Variants in GRID2 observed in about 807,000 individuals in gnomAD.
The protein encoded by GRID2 is glutamate ionotropic receptor delta type subunit 2.
GRID2 carries 33 observed loss-of-function variants against 114.8 expected under a neutral mutation model. The observed-to-expected ratio is 0.29, with a 90% confidence interval of 0.22 to 0.38. GRID2 has a LOEUF of 0.38. Ranked by LOEUF, GRID2 falls within the 10% of genes least tolerant of loss-of-function variation. GRID2 has a pLI of 1.00. For synonymous variants in GRID2, 505 were observed against 449.9 expected (o/e 1.12, Z -1.55); for missense variants, 1,184 against 1,257.7 (o/e 0.94, Z 0.89).
chr4:93,041,023 A>C (rs553205129), intron 2 of GRID2, among the ~76,000 whole-genome samples: 4 of 152,156 alleles, frequency 2.6e-5, no homozygotes, highest in Non-Finnish European at 5.9e-5. Context: ...TAGCGATTGT[A>C]AAATTAAGAA....
intron 14 of GRID2, among the ~76,000 whole-genome samples, chr4:93,629,104 C>T (rs930442620): frequency 1.3e-5 from 2 of 152,032 alleles, no homozygotes; most frequent in African/African-American, 2.4e-5. Context: ...AATGCATGAA[C>T]GTAATAGTAA....
chr4:92,779,038 A>G (rs1009305685), intron 2 of GRID2, among the ~76,000 whole-genome samples: 2 of 152,080 alleles, frequency 1.3e-5, no homozygotes, highest in Non-Finnish European at 2.9e-5. Flanking sequence ...TCATTCTATC[A>G]TATGTATGAA....
intron 3 of GRID2, among the ~76,000 whole-genome samples, 177 bp from the exon 4 acceptor site, chr4:93,110,571 C>G (rs543531456): frequency 4.1e-4 from 62 of 152,228 alleles, no homozygotes; most frequent in South Asian, 2.1e-3. Context: ...TTCATGTGAA[C>G]ATTTCAAAAT....
chr4:92,953,300 A>G (rs575510042), intron 2 of GRID2, among the ~76,000 whole-genome samples: 5 of 152,262 alleles, frequency 3.3e-5, no homozygotes, highest in African/African-American at 1.2e-4. Context: ...TGATGTCGAA[A>G]AGTAAGCTCT....
chr4:93,747,731 C>A (rs928631430), intron 14 of GRID2, among the ~76,000 whole-genome samples: 3 of 151,644 alleles, frequency 2.0e-5, no homozygotes, highest in Middle Eastern at 3.4e-3. Flanking sequence ...AAATCAATGT[C>A]AATTTGGTTT....
intron 2 of GRID2, among the ~76,000 whole-genome samples, chr4:93,033,181 C>G (rs1003548026): frequency 3.9e-5 from 6 of 152,130 alleles, no homozygotes; most frequent in African/African-American, 1.4e-4. Flanking sequence ...ACAGTTCACA[C>G]AAGACCACCC....
intron 13 of GRID2, among the ~76,000 whole-genome samples, chr4:93,615,132 A>G (rs2149672992): frequency 6.6e-6 from 1 of 152,344 alleles, no homozygotes; most frequent in Non-Finnish European, 1.5e-5. Flanking sequence ...CTATAAAATG[A>G]GAGTTCAATT....
chr4:92,584,010 A>G (rs968492615), intron 1 of GRID2, among the ~76,000 whole-genome samples: 1 of 151,630 alleles, frequency 6.6e-6, no homozygotes, highest in African/African-American at 2.4e-5. Context: ...CTAAGTGAAG[A>G]TGCTTATTGG....
chr4:92,442,177 G>A (rs1402817969), intron 1 of GRID2, among the ~76,000 whole-genome samples: 6 of 146,298 alleles, frequency 4.1e-5, no homozygotes, highest in Admixed American at 6.8e-5. Flanking sequence ...CCTGAAGCTT[G>A]GCGTCCGTGA....
chr4:92,901,829 G>T (rs527658442), intron 2 of GRID2, among the ~76,000 whole-genome samples: 53 of 151,966 alleles, frequency 3.5e-4, no homozygotes, highest in African/African-American at 1.2e-3. Flanking sequence ...CTTTTTGTGT[G>T]TGTGTGTGTG....
chr4:92,551,044 G>A (rs1726560649), intron 1 of GRID2, among the ~76,000 whole-genome samples: 1 of 152,052 alleles, frequency 6.6e-6, no homozygotes, highest in African/African-American at 2.4e-5. Context: ...TAAAAGTAAG[G>A]TCTCACAAGA....
At chr4:92,601,027 C>G (rs945169282) in intron 2 of GRID2, among the ~76,000 whole-genome samples, 4 of 151,956 alleles carry the variant, frequency 2.6e-5, no homozygotes, top group Non-Finnish European at 5.9e-5. Context: ...GTCCCTCCCC[C>G]AAAGGGCTTA....
At chr4:93,791,851 A>G (rs1364691665) in intron 1 of GRID2, among the ~76,000 whole-genome samples, 2 of 152,216 alleles carry the variant, frequency 1.3e-5, no homozygotes, top group African/African-American at 4.8e-5. Context: ...AGCAAACAGC[A>G]TTGTGTGAAA....
chr4:93,649,766 A>T (rs368975065), intron 14 of GRID2, among the ~76,000 whole-genome samples: 1 of 152,192 alleles, frequency 6.6e-6, no homozygotes, highest in African/African-American at 2.4e-5. Context: ...AGTTAGAGTT[A>T]CAGAAAATCC....
In GRID2 at chr4:92,450,641, AT is replaced by A. The variant is rs572018363; in HGVS notation, c.89-139482del. Among the ~76,000 whole-genome samples, 7 of 150,838 alleles carry A rather than the reference AT, an allele frequency of 4.6e-5. No homozygotes were observed. The South Asian group carries it at 1.0e-3, about 22-fold the overall frequency. On this transcript the variant is annotated intron_variant, in intron 1 of 15. Coordinates refer to ENST00000282020, the MANE Select transcript of GRID2 (RefSeq NM_001510.4). Reference sequence around the variant, plus strand: ...GGCATAGTTTTAGCACAATGAGACTATTTTTTTTCACTTGATTTTTCTACTC... The same window carrying A: ...GGCATAGTTTTAGCACAATGAGACTATTTTTTTCACTTGATTTTTCTACTC...
chr4:92,742,114 A>G (rs1238733685), intron 2 of GRID2, among the ~76,000 whole-genome samples: 6 of 152,180 alleles, frequency 3.9e-5, no homozygotes, highest in Non-Finnish European at 8.8e-5. Flanking sequence ...TATTTGGTTT[A>G]AAAATATCTT....
At chr4:92,688,407 A>T (rs1411237412) in intron 2 of GRID2, among the ~76,000 whole-genome samples, 1 of 152,066 alleles carries the variant, frequency 6.6e-6, no homozygotes, top group East Asian at 1.9e-4. Context: ...ATGGAACTTT[A>T]CCCACAGTAA....
chr4:93,208,584 A>G (rs1743085735), intron 5 of GRID2, among the ~76,000 whole-genome samples: 1 of 151,906 alleles, frequency 6.6e-6, no homozygotes, highest in African/African-American at 2.4e-5. Flanking sequence ...AGAATAAATT[A>G]TTTTCCTCTT....
chr4:93,179,927 T>C (rs1438121240), intron 4 of GRID2, among the ~76,000 whole-genome samples: 2 of 152,196 alleles, frequency 1.3e-5, no homozygotes, highest in Non-Finnish European at 2.9e-5. Context: ...CCCTCTGCTC[T>C]AGTGTATTTA....
Sources: allele counts gnomAD v4.1 joint callset (sites outside exome capture counted in the v4.1 genomes callset), GRCh38; gene constraint gnomAD v4.1.1; transcripts MANE v1.5; gene names NCBI Gene and HGNC (gene_info 2026-07-23, HGNC 2026-07-21).